Variants in ASCL3 observed in about 807,000 individuals in gnomAD.
ASCL3 encodes the protein achaete-scute family bHLH transcription factor 3, also known as achaete-scute homolog 3.
A neutral mutation model predicts 2.3 loss-of-function variants in ASCL3; 1 was observed. That is an observed-to-expected ratio of 0.44 (90% confidence interval 0.16 to 2.10). The LOEUF (loss-of-function observed/expected upper bound fraction) is 2.10. ASCL3 is among the 30% of genes most tolerant of loss of function. The probability of loss-of-function intolerance (pLI) is 0.28; values close to 1 mark genes in which losing one functional copy is unlikely to be tolerated. For synonymous variants in ASCL3, 98 were observed against 88.5 expected, an observed-to-expected ratio of 1.11 and a Z score of -0.60; for missense variants, 243 against 229.0, an observed-to-expected ratio of 1.06 and a Z score of -0.40.
chr11:8,941,470 G>A (rs774689882), intron 1 of ASCL3, among the ~76,000 whole-genome samples: 5 of 151,976 alleles, frequency 3.3e-5, no homozygotes, highest in African/African-American at 4.8e-5. Context: ...GGGAGGAGCA[G>A]CCCCTAAGAC....
intron 1 of ASCL3, among the ~76,000 whole-genome samples, chr11:8,938,471 G>A (rs1342516259): frequency 7.2e-5 from 11 of 151,818 alleles, no homozygotes; most frequent in African/African-American, 1.7e-4. Context: ...GGATGGTCTC[G>A]ATCTCTTGAC....
At chr11:8,940,394 A>T (rs1853675299) in intron 1 of ASCL3, among the ~76,000 whole-genome samples, 1 of 152,136 alleles carries the variant, frequency 6.6e-6, no homozygotes, top group African/African-American at 2.4e-5. Context: ...CTCCTGTTTT[A>T]AACTACTGTT....
chr11:8,938,544 C>A (rs142193886), intron 1 of ASCL3, among the ~76,000 whole-genome samples: 1 of 151,910 alleles, frequency 6.6e-6, no homozygotes, highest in Non-Finnish European at 1.5e-5. Context: ...CCACCACGCC[C>A]GGCCGGAGAT....
intron 1 of ASCL3, among the ~76,000 whole-genome samples, chr11:8,940,470 G>T (rs189481239): frequency 6.6e-6 from 1 of 152,092 alleles, no homozygotes; most frequent in South Asian, 2.1e-4. Context: ...CAGTGTAACC[G>T]GTTAACTTGG....
chr11:8,942,191 C>T (rs774845405), intron 1 of ASCL3, among the ~76,000 whole-genome samples: 1 of 152,122 alleles, frequency 6.6e-6, no homozygotes, highest in African/African-American at 2.4e-5. Context: ...AGCATGGTGT[C>T]TCTGGAGGCA....
intron 1 of ASCL3, among the ~76,000 whole-genome samples, chr11:8,938,799 C>CTT (rs566272891): frequency 1.0e-4 from 13 of 130,338 alleles, no homozygotes; most frequent in Admixed American, 5.5e-4. Context: ...CACTAGAATT[C>CTT]TTTTTTTTTT....
chr11:8,938,884 A>G (rs547890640), intron 1 of ASCL3, among the ~76,000 whole-genome samples: 14 of 148,884 alleles, frequency 9.4e-5, no homozygotes, highest in African/African-American at 3.5e-4. Flanking sequence ...GGCTCACTAG[A>G]GCCTTAGCCT....
intron 1 of ASCL3, among the ~76,000 whole-genome samples, chr11:8,941,711 G>T (rs1214715471): frequency 6.6e-6 from 1 of 152,074 alleles, no homozygotes; most frequent in Non-Finnish European, 1.5e-5. Context: ...GGAAATGAAA[G>T]ATTCCAAATT....
At chr11:8,938,908 ATCC>A (rs1485851597) in intron 1 of ASCL3, among the ~76,000 whole-genome samples, 1 of 150,886 alleles carries the variant, frequency 6.6e-6, no homozygotes, top group Non-Finnish European at 1.5e-5. Flanking sequence ...AGGTTCATCA[ATCC>A]TCCTGCCTCA....
At chr11:8,939,713 A>G (rs2064697225) in intron 1 of ASCL3, among the ~76,000 whole-genome samples, 1 of 152,186 alleles carries the variant, frequency 6.6e-6, no homozygotes, top group African/African-American at 2.4e-5. Flanking sequence ...AATATATGCA[A>G]GGGAAATTAT....
chr11:8,941,342 T>TACACACACAC lies in ASCL3; in HGVS notation c.-13+1634_-13+1643dup, dbSNP rs34828031. Among the ~76,000 whole-genome samples, 86 of 146,616 alleles carry TACACACACAC rather than the reference T, an allele frequency of 5.9e-4. 1 individual carries two copies. The highest frequency in any genetic ancestry group is 2.0e-3 in the African/African-American group (80 of 39,914). ...TTGGCATACTAAACACACACACACA[T>TACACACACAC]ACACACACACACACACACACACACA... On this transcript the variant is annotated intron_variant, in intron 1 of 1. Transcript: ENST00000531618.
rs2064689609 is a variant in ASCL3, at chr11:8,938,146, C to T, written c.16G>A (p.Gly6Ser). The change falls in exon 2 of 2, where the codon GGC becomes AGC. Residue 6 changes from glycine to serine, a missense_variant. Transcript: ENST00000531618. Reference protein sequence around the residue: MMDNRGNSSLPDKLPI... With the variant: MMDNRSNSSLPDKLPI... Reference sequence around the variant, plus strand: ...AGTTTGTCAGGTAGACTAGAGTTGCCTCTGTTGTCCATCATTTCCTCTTTA... The same window carrying T: ...AGTTTGTCAGGTAGACTAGAGTTGCTTCTGTTGTCCATCATTTCCTCTTTA... 4 of 1,598,518 alleles carry T rather than the reference C, an allele frequency of 2.5e-6. No homozygotes were observed. The African/African-American group carries it at 5.4e-5, about 22-fold the overall frequency.
rs1184729689 is a variant in ASCL3, at chr11:8,937,715, C to T, written c.447G>A (p.Leu149=). The change falls in exon 2 of 2, where the codon CTG becomes CTA. Residue 149 remains leucine (L), a synonymous_variant. Transcript: ENST00000531618. ...TCTTGGTCTCAGCTTTATCAGGGTA[C>T]AGAAGAGACTGCAGGTAGTTAATGT... is the stretch of plus-strand genomic sequence containing the variant. The part of the protein sequence containing the change: ...IKYINYLQSL[L]YPDKAETKNN... The T allele has an allele frequency of 6.2e-7, 1 of 1,614,094 alleles. No homozygotes were observed. Among genetic ancestry groups the T allele is most frequent in the Non-Finnish European group, 8.5e-7 (1 of 1,179,998 alleles).
chr11:8,938,440 G>A (rs1212300730), intron 1 of ASCL3, among the ~76,000 whole-genome samples: 1 of 151,882 alleles, frequency 6.6e-6, no homozygotes, highest in Non-Finnish European at 1.5e-5. Flanking sequence ...TAGTAGAGAT[G>A]GGATTTCACC....
chr11:8,939,241 CTTTT>C (rs528222372), intron 1 of ASCL3, among the ~76,000 whole-genome samples: 1 of 151,894 alleles, frequency 6.6e-6, no homozygotes, highest in African/African-American at 2.4e-5. Context: ...CATAAAGTTC[CTTTT>C]TTTCTTTTTT....
intron 1 of ASCL3, among the ~76,000 whole-genome samples, chr11:8,942,563 A>G (rs148462066): frequency 1.1e-4 from 17 of 152,266 alleles, no homozygotes; most frequent in Admixed American, 7.9e-4. Context: ...ATTGTAAGAG[A>G]TTCTGGATGC....
intron 1 of ASCL3, among the ~76,000 whole-genome samples, chr11:8,938,439 T>C (rs191032175): frequency 1.6e-4 from 24 of 151,958 alleles, no homozygotes; most frequent in African/African-American, 5.5e-4. Flanking sequence ...TTAGTAGAGA[T>C]GGGATTTCAC....
At chr11:8,940,018 G>C (rs1397905930) in intron 1 of ASCL3, among the ~76,000 whole-genome samples, 1 of 151,976 alleles carries the variant, frequency 6.6e-6, no homozygotes, top group Non-Finnish European at 1.5e-5. Flanking sequence ...TGTTCTGTCA[G>C]CCAGGCTGGA....
chr11:8,938,303 G>C (rs1402081669), intron 1 of ASCL3, 130 bp from the exon 2 acceptor site: 4 of 800,164 alleles, frequency 5.0e-6, no homozygotes, highest in Non-Finnish European at 7.7e-6. Flanking sequence ...AGGCTGGAGT[G>C]CAGTGGCGTG....
Sources: allele counts gnomAD v4.1 joint callset (sites outside exome capture counted in the v4.1 genomes callset), GRCh38; gene constraint gnomAD v4.1.1; transcripts MANE v1.5; gene names NCBI Gene and HGNC (gene_info 2026-07-23, HGNC 2026-07-21).